NDUFAF2: variants seen among roughly 807,000 people sequenced by gnomAD.
The protein encoded by NDUFAF2 is NADH dehydrogenase [ubiquinone] 1 alpha subcomplex assembly factor 2.
In NDUFAF2, 13 loss-of-function variants were observed where a neutral mutation model predicts 22.8. That is an observed-to-expected ratio of 0.57 (90% confidence interval 0.37 to 0.91). The LOEUF is 0.91. NDUFAF2 is among the 40% of genes least tolerant of loss of function. The probability of loss-of-function intolerance (pLI) is 0.01; values close to 1 mark genes in which losing one functional copy is unlikely to be tolerated. For missense variants in NDUFAF2, 162 were observed against 195.2 expected (o/e 0.83, Z 1.01); for synonymous variants, 53 against 64.2 (o/e 0.83, Z 0.84).
At chr5:61,092,367 T>C (rs971123018) in intron 2 of NDUFAF2, among the ~76,000 whole-genome samples, 2 of 152,150 alleles carry the variant, frequency 1.3e-5, no homozygotes, top group African/African-American at 4.8e-5. Flanking sequence ...TGTTTTTCCA[T>C]TTGTTTGTGT....
intron 1 of NDUFAF2, among the ~76,000 whole-genome samples, chr5:60,972,450 C>A (rs1246284701): frequency 6.6e-6 from 1 of 152,056 alleles, no homozygotes; most frequent in African/African-American, 2.4e-5. Context: ...TAAGGGACTT[C>A]CCCCTCTTCA....
rs1022358540 is a variant in NDUFAF2 at position 61,053,054 on chromosome 5, A to G, written c.128-20071A>G. 6.6e-5 allele frequency among the ~76,000 whole-genome samples: 10 copies of G among 152,268 alleles called. No individual in the cohort carries two copies. The East Asian group carries it at 1.9e-3, about 29-fold the overall frequency. On this transcript the variant is annotated intron_variant, in intron 1 of 3. Transcript: ENST00000296597. ...CACTTCATTGGCATGAGCCATAAAAATCTCCATTATGTGTTCCTGGGTGCT... is the reference window on the plus strand; with the variant it reads ...CACTTCATTGGCATGAGCCATAAAAGTCTCCATTATGTGTTCCTGGGTGCT...
At chr5:61,066,812 T>A (rs1044570868) in intron 1 of NDUFAF2, among the ~76,000 whole-genome samples, 4 of 152,114 alleles carry the variant, frequency 2.6e-5, no homozygotes, top group Admixed American at 6.6e-5. Context: ...TGTTTCATCA[T>A]TTTTTTCCCC....
chr5:61,026,163 A>G (rs931864110), intron 1 of NDUFAF2, among the ~76,000 whole-genome samples: 13 of 152,122 alleles, frequency 8.5e-5, no homozygotes, highest in Non-Finnish European at 1.8e-4. Flanking sequence ...GAAATTCAGC[A>G]TGAAGATGGA....
intron 1 of NDUFAF2, among the ~76,000 whole-genome samples, chr5:61,008,136 A>G (rs1465893697): frequency 8.5e-6 from 1 of 118,100 alleles, no homozygotes; most frequent in Non-Finnish European, 1.6e-5. Context: ...GGAACATCAC[A>G]CTCTGGGGAC....
At chr5:61,078,509 G>A (rs1752397154) in intron 2 of NDUFAF2, among the ~76,000 whole-genome samples, 2 of 152,096 alleles carry the variant, frequency 1.3e-5, no homozygotes, top group African/African-American at 4.8e-5. Context: ...GGGAGACTGA[G>A]GCAAGCAGGT....
intron 3 of NDUFAF2, among the ~76,000 whole-genome samples, chr5:61,113,916 C>T (rs972810199): frequency 6.6e-6 from 1 of 152,028 alleles, no homozygotes; most frequent in African/African-American, 2.4e-5. Flanking sequence ...ATTGGAGCTC[C>T]ATTGTATGGT....
chr5:61,016,823 T>C (rs566613806), intron 1 of NDUFAF2, among the ~76,000 whole-genome samples: 1 of 152,268 alleles, frequency 6.6e-6, no homozygotes, highest in South Asian at 2.1e-4. Flanking sequence ...GTTTAAAGGA[T>C]TGGTAGGTTG....
rs1184603189 is a variant in NDUFAF2 at position 61,147,833 on chromosome 5, C to T, written c.259-4871C>T. On this transcript the variant is annotated intron_variant, in intron 3 of 3. Coordinates refer to ENST00000296597, the MANE Select transcript of NDUFAF2 (RefSeq NM_174889.5). ...AGCTGTACTCTCGTGCCAGTTTAGT[C>T]CTACACCTAAGGAGTGACCCTTCCG... 4.6e-5 allele frequency among the ~76,000 whole-genome samples: 7 copies of T among 152,054 alleles called. No individual in the cohort carries two copies. In the East Asian group the frequency reaches 1.3e-3, roughly 29 times the overall value.
chr5:61,008,882 T>G (rs187600253), intron 1 of NDUFAF2, among the ~76,000 whole-genome samples: 1 of 152,220 alleles, frequency 6.6e-6, no homozygotes, highest in East Asian at 1.9e-4. Context: ...CATCCAAGGC[T>G]TTTTATGAAC....
intron 1 of NDUFAF2, among the ~76,000 whole-genome samples, chr5:61,000,493 T>C (rs1327012376): frequency 6.6e-6 from 1 of 152,168 alleles, no homozygotes; most frequent in African/African-American, 2.4e-5. Context: ...AAATGACATG[T>C]TAATATTATG....
At chr5:61,001,192 A>T (rs1751290647) in intron 1 of NDUFAF2, among the ~76,000 whole-genome samples, 1 of 152,044 alleles carries the variant, frequency 6.6e-6, no homozygotes, top group Non-Finnish European at 1.5e-5. Flanking sequence ...CCTATCCCAC[A>T]TCCACAGCAA....
chr5:61,112,938 G>A (rs544726233), intron 3 of NDUFAF2, among the ~76,000 whole-genome samples: 1 of 146,874 alleles, frequency 6.8e-6, no homozygotes, highest in African/African-American at 2.5e-5. Context: ...AGGTTACCAT[G>A]GAACTTGCAA....
intron 1 of NDUFAF2, among the ~76,000 whole-genome samples, chr5:60,963,947 G>A (rs1580069775): frequency 1.3e-5 from 2 of 152,266 alleles, no homozygotes; most frequent in East Asian, 3.9e-4. Context: ...CAATCAGAGG[G>A]AATAGCAGTA....
intron 3 of NDUFAF2, among the ~76,000 whole-genome samples, chr5:61,112,965 C>T (rs943993811): frequency 6.6e-6 from 1 of 151,730 alleles, no homozygotes; most frequent in East Asian, 1.9e-4. Flanking sequence ...TCTTATAACC[C>T]ATTACTGTAA....
chr5:61,112,218 CCT>C (rs1491175617), intron 3 of NDUFAF2, among the ~76,000 whole-genome samples: 24 of 140,008 alleles, frequency 1.7e-4, no homozygotes, highest in Admixed American at 7.9e-4. Context: ...TATCCCCCCC[CCT>C]TTTTTTTTTT....
intron 1 of NDUFAF2, among the ~76,000 whole-genome samples, chr5:61,067,998 T>C (rs1752251751): frequency 6.6e-6 from 1 of 152,148 alleles, no homozygotes. Flanking sequence ...TCATGTTATA[T>C]CCCTTAAATA....
chr5:61,110,576 C>T (rs1752827669), intron 3 of NDUFAF2, among the ~76,000 whole-genome samples: 1 of 151,844 alleles, frequency 6.6e-6, no homozygotes, highest in African/African-American at 2.4e-5. Context: ...AGGAATTTAC[C>T]CATTTCTTCT....
At chr5:61,062,630 A>C (rs1482422874) in intron 1 of NDUFAF2, among the ~76,000 whole-genome samples, 2 of 152,128 alleles carry the variant, frequency 1.3e-5, no homozygotes, top group African/African-American at 4.8e-5. Flanking sequence ...AGGGGACAAA[A>C]AGCTTATTTA....
Sources: allele counts gnomAD v4.1 joint callset (sites outside exome capture counted in the v4.1 genomes callset), GRCh38; gene constraint gnomAD v4.1.1; transcripts MANE v1.5; gene names NCBI Gene and HGNC (gene_info 2026-07-23, HGNC 2026-07-21).